Variants in GPM6A observed in about 807,000 individuals in gnomAD.
GPM6A encodes the protein neuronal membrane glycoprotein M6-a.
Under a neutral mutation model 32.1 loss-of-function variants are expected in GPM6A, and 7 were observed. The observed-to-expected ratio is 0.22, with a 90% CI of 0.12 to 0.41. The LOEUF (loss-of-function observed/expected upper bound fraction) is 0.41. Ranked by LOEUF, GPM6A falls within the 10% of genes least tolerant of loss-of-function variation. The pLI is 1.00. For synonymous variants in GPM6A, 130 were observed against 123.4 expected (o/e 1.05, Z -0.35); for missense variants, 235 against 347.2 (o/e 0.68, Z 2.57).
chr4:175,660,227 G>A lies in GPM6A; in HGVS notation c.388-8240C>T, dbSNP rs142747919. Among the ~76,000 whole-genome samples, 1,345 of 151,948 alleles carry A rather than the reference G, an allele frequency of 8.9e-3. 23 individuals are homozygous for A. Among genetic ancestry groups the A allele is most frequent in the African/African-American group, 0.031 (1,273 of 41,438 alleles). ...AGCCTGACCAACATGTTGAAACCCC[G>A]TCTCTACTAAAAATACAAAAATTAG... On this transcript the variant is annotated intron_variant, in intron 3 of 6. Transcript: ENST00000393658.
chr4:175,708,611 T>C (rs1245686353), intron 1 of GPM6A, among the ~76,000 whole-genome samples: 1 of 151,954 alleles, frequency 6.6e-6, no homozygotes, highest in African/African-American at 2.4e-5. Context: ...GGTCTCGAAC[T>C]CCTGGGAGAA....
At chr4:175,637,711 ATAT>A (rs1407702702) in intron 6 of GPM6A, among the ~76,000 whole-genome samples, 1 of 2,822 alleles carries the variant, frequency 3.5e-4, no homozygotes, top group African/African-American at 1.0e-3. Context: ...TATATTATAT[ATAT>A]TTATATATAA....
chr4:175,792,980 A>T (rs1044034134), intron 1 of GPM6A, among the ~76,000 whole-genome samples: 6 of 152,176 alleles, frequency 3.9e-5, no homozygotes, highest in African/African-American at 1.4e-4. Context: ...GGAGTTTCAG[A>T]CCACCCTGGC....
intron 1 of GPM6A, among the ~76,000 whole-genome samples, chr4:175,714,298 A>G (rs1745715617): frequency 1.3e-5 from 2 of 152,258 alleles, no homozygotes; most frequent in South Asian, 4.1e-4. Flanking sequence ...ATTAAACAAC[A>G]TATACAGTTT....
At chr4:175,850,185 A>G (rs1468433863) in intron 1 of GPM6A, among the ~76,000 whole-genome samples, 2 of 152,214 alleles carry the variant, frequency 1.3e-5, no homozygotes, top group African/African-American at 2.4e-5. Flanking sequence ...GGAGAAAAAC[A>G]TGATTCTAAA....
chr4:175,672,439 T>C (rs188416918), intron 3 of GPM6A, among the ~76,000 whole-genome samples: 1 of 152,186 alleles, frequency 6.6e-6, no homozygotes, highest in African/African-American at 2.4e-5. Flanking sequence ...TATAACTCAA[T>C]TCACTATACT....
chr4:175,780,468 C>T (rs1733575184), intron 1 of GPM6A, among the ~76,000 whole-genome samples: 1 of 152,206 alleles, frequency 6.6e-6, no homozygotes, highest in African/African-American at 2.4e-5. Context: ...GTGCTTGGCA[C>T]AGAGTAGACA....
chr4:175,954,498 T>A (rs773845233), intron 1 of GPM6A, among the ~76,000 whole-genome samples: 3 of 152,216 alleles, frequency 2.0e-5, no homozygotes, highest in Non-Finnish European at 4.4e-5. Flanking sequence ...ATGTGTAGAG[T>A]ACTGAGGACA....
At chr4:175,717,438 T>G (rs1560893532) in intron 1 of GPM6A, among the ~76,000 whole-genome samples, 7 of 152,054 alleles carry the variant, frequency 4.6e-5, no homozygotes, top group Admixed American at 3.3e-4. Flanking sequence ...AGCTTATTTT[T>G]TAATTATGCA....
intron 1 of GPM6A, among the ~76,000 whole-genome samples, chr4:175,997,516 T>C (rs764933969): frequency 6.6e-6 from 1 of 152,068 alleles, no homozygotes; most frequent in African/African-American, 2.4e-5. Context: ...CATAAATTTA[T>C]AGAACCTTGC....
At chr4:175,902,939 T>C (rs1738015836) in intron 1 of GPM6A, among the ~76,000 whole-genome samples, 1 of 152,072 alleles carries the variant, frequency 6.6e-6, no homozygotes, top group Non-Finnish European at 1.5e-5. Context: ...AGCTAATCTA[T>C]GATAAATAAA....
intron 2 of GPM6A, among the ~76,000 whole-genome samples, chr4:175,694,373 C>T (rs991800327): frequency 1.3e-5 from 2 of 152,096 alleles, no homozygotes; most frequent in Non-Finnish European, 2.9e-5. Flanking sequence ...TTGTTGTGAC[C>T]AAAATGCTGA....
At chr4:175,804,498 G>A (rs899205334) in intron 1 of GPM6A, among the ~76,000 whole-genome samples, 1 of 152,084 alleles carries the variant, frequency 6.6e-6, no homozygotes, top group Non-Finnish European at 1.5e-5. Flanking sequence ...TGACTAAATA[G>A]TGTGACCGTA....
intron 1 of GPM6A, among the ~76,000 whole-genome samples, chr4:175,926,100 C>G (rs1328459907): frequency 6.6e-6 from 1 of 152,090 alleles, no homozygotes; most frequent in Non-Finnish European, 1.5e-5. Context: ...GATCTGCCCG[C>G]CTTGGCCTCC....
intron 1 of GPM6A, among the ~76,000 whole-genome samples, chr4:175,723,629 A>G (rs1212285106): frequency 6.6e-6 from 1 of 152,046 alleles, no homozygotes; most frequent in Non-Finnish European, 1.5e-5. Flanking sequence ...ATTCTTTATT[A>G]CCTAAATTAA....
chr4:175,902,680 C>G (rs914200144), intron 1 of GPM6A, among the ~76,000 whole-genome samples: 2 of 152,100 alleles, frequency 1.3e-5, no homozygotes, highest in East Asian at 3.9e-4. Context: ...ACCGCCTCCT[C>G]AAGCTCATCT....
chr4:175,996,512 A>G (rs1348253201), intron 1 of GPM6A, among the ~76,000 whole-genome samples: 1 of 152,198 alleles, frequency 6.6e-6, no homozygotes, highest in Non-Finnish European at 1.5e-5. Context: ...CTCCACTCTA[A>G]ATAAAATGAA....
intron 1 of GPM6A, among the ~76,000 whole-genome samples, chr4:175,708,972 T>C (rs1745377140): frequency 6.6e-6 from 1 of 152,186 alleles, no homozygotes; most frequent in African/African-American, 2.4e-5. Flanking sequence ...GTGTACTTTA[T>C]GGGAAGAATT....
chr4:175,914,169 G>T (rs928460572), intron 1 of GPM6A, among the ~76,000 whole-genome samples: 1 of 151,952 alleles, frequency 6.6e-6, no homozygotes, highest in Admixed American at 6.5e-5. Context: ...TGTGGGGGGG[G>T]TAGGGATATG....
Sources: gnomAD v4.1 joint callset for allele counts (sites outside exome capture counted in the v4.1 genomes callset) on GRCh38, gnomAD v4.1.1 for gene constraint, MANE v1.5 for transcripts, NCBI Gene and HGNC (gene_info 2026-07-23, HGNC 2026-07-21) for gene names.